SYNPR: variants seen among roughly 807,000 people sequenced by gnomAD.
SYNPR encodes the protein synaptoporin.
In SYNPR, 23 loss-of-function variants were observed where a neutral mutation model predicts 32.9. That is an observed-to-expected ratio of 0.70 (90% CI 0.50 to 0.99). The LOEUF is 0.99. SYNPR is among the 50% of genes least tolerant of loss of function. The pLI, the probability that SYNPR is intolerant of heterozygous loss-of-function variation, is 0.00. For missense variants in SYNPR, 318 were observed against 349.3 expected (o/e 0.91, Z 0.71); for synonymous variants, 146 against 135.9 (o/e 1.07, Z -0.52).
At position 63,258,244 on chromosome 3, in the gene SYNPR, C is replaced by G. The variant is rs572064938; in HGVS notation, n.154+5658C>G. The stretch of plus-strand genomic sequence containing the variant: ...ACCTAATAGACATCTACAGAACTCT[C>G]CACCCCAATTCAACAGAATATACAT... On this transcript the variant is annotated intron_variant and non_coding_transcript_variant, in intron 2 of 4. Transcript: ENST00000478456. Among the ~76,000 whole-genome samples the G allele has an allele frequency of 8.5e-5, 13 of 152,332 alleles. No homozygotes were observed. The East Asian group carries it at 2.5e-3, about 29-fold the overall frequency.
At chr3:63,505,683 A>G (rs1701573709) in intron 3 of SYNPR, among the ~76,000 whole-genome samples, 1 of 152,216 alleles carries the variant, frequency 6.6e-6, no homozygotes, top group South Asian at 2.1e-4. Context: ...CTTACATTGC[A>G]ATGTGTTTAT....
chr3:63,616,168 T>C lies in SYNPR; in HGVS notation c.*687T>C, dbSNP rs1399736530. The C allele has an allele frequency of 6.6e-6, 1 of 152,252 alleles. No individual in the cohort carries two copies. Among genetic ancestry groups the C allele is most frequent in the Non-Finnish European group, 1.5e-5 (1 of 68,038 alleles). 9.4% of individuals were successfully genotyped at this position (152,252 alleles called of 1,614,324 possible). On this transcript the variant is annotated 3_prime_UTR_variant, in exon 6 of 6. Transcript: ENST00000478300. ...TCTCTGGCTTTACCCAAGTTCTGAA[T>C]GCATTGTAATTAAAATTTAAGTTTT...
In SYNPR at chr3:63,445,699, G is replaced by C. The variant is rs1170244061; in HGVS notation, c.85-35133G>C. On this transcript the variant is annotated intron_variant, in intron 2 of 5. Coordinates refer to ENST00000478300, the MANE Select transcript of SYNPR (RefSeq NM_001130003.2). Reference sequence around the variant, plus strand: ...TCTCCATTTTACAGATGAGAAAATGGAGACATAGGACAAGTATGTAACTTA... The same window carrying C: ...TCTCCATTTTACAGATGAGAAAATGCAGACATAGGACAAGTATGTAACTTA... 4.1e-5 allele frequency: 22 copies of C among 534,058 alleles called. No individual in the cohort carries two copies. In the South Asian group the frequency reaches 6.5e-4, roughly 16 times the overall value. The allele number at this position is 534,058 out of a possible 1,614,324, so 33.1% of individuals were successfully genotyped here.
chr3:63,500,869 G>A (rs1701464132), intron 3 of SYNPR, among the ~76,000 whole-genome samples: 1 of 152,126 alleles, frequency 6.6e-6, no homozygotes, highest in African/African-American at 2.4e-5. Flanking sequence ...ATACATTATA[G>A]TACATAGTGT....
chr3:63,322,809 G>A (rs1404902209), intron 2 of SYNPR, among the ~76,000 whole-genome samples: 2 of 152,178 alleles, frequency 1.3e-5, no homozygotes, highest in East Asian at 3.9e-4. Flanking sequence ...AAAGGAATTT[G>A]TAAGTTCTTA....
At chr3:63,405,547 G>A (rs9859585) in intron 2 of SYNPR, among the ~76,000 whole-genome samples, 14,437 of 151,980 alleles carry the variant, frequency 0.095, 1,802 homozygotes, top group African/African-American at 0.29. Flanking sequence ...ATAGCACAGG[G>A]CCCATAGACT....
intron 4 of SYNPR, among the ~76,000 whole-genome samples, chr3:63,584,208 A>G (rs1703142982): frequency 6.6e-6 from 1 of 152,088 alleles, no homozygotes; most frequent in Non-Finnish European, 1.5e-5. Context: ...CCTTCATTAG[A>G]GAGGCATTGA....
In SYNPR at chr3:63,534,050, G is replaced by C. The variant is rs534993275; in HGVS notation, c.210-22493G>C. On this transcript the variant is annotated intron_variant, in intron 3 of 5. Coordinates refer to ENST00000478300, the MANE Select transcript of SYNPR (RefSeq NM_001130003.2). Reference sequence around the variant, plus strand: ...AGGAAATATGTGACCCTAGAAACTTGTATTTAAATAGATCCAACTTGAAGT... The same window carrying C: ...AGGAAATATGTGACCCTAGAAACTTCTATTTAAATAGATCCAACTTGAAGT... Among the ~76,000 whole-genome samples, 2 of 152,238 alleles carry C rather than the reference G, an allele frequency of 1.3e-5. 1 individual carries two copies. Among genetic ancestry groups the C allele is most frequent in the African/African-American group, 4.8e-5 (2 of 41,534 alleles).
intron 2 of SYNPR, among the ~76,000 whole-genome samples, chr3:63,371,622 G>A (rs765945453): frequency 5.3e-5 from 8 of 152,134 alleles, no homozygotes; most frequent in South Asian, 2.1e-4. Flanking sequence ...TAGAAGGTGC[G>A]TGGTGATTTG....
intron 2 of SYNPR, among the ~76,000 whole-genome samples, chr3:63,341,235 C>T (rs185748850): frequency 1.9e-4 from 29 of 152,316 alleles, no homozygotes; most frequent in African/African-American, 6.0e-4. Flanking sequence ...TTTTTTATTA[C>T]TATAAAATAT....
chr3:63,340,281 C>T (rs566666097), intron 2 of SYNPR, among the ~76,000 whole-genome samples: 8 of 152,142 alleles, frequency 5.3e-5, no homozygotes, highest in Admixed American at 4.6e-4. Context: ...TGCACATATA[C>T]AGGTTTTGTG....
At chr3:63,232,572 C>A (rs2086174644) in intron 1 of SYNPR, among the ~76,000 whole-genome samples, 1 of 152,118 alleles carries the variant, frequency 6.6e-6, no homozygotes, top group South Asian at 2.1e-4. Context: ...ATCTTCAGCA[C>A]CTCCAAAATT....
At chr3:63,252,928 A>G (rs2086346164) in intron 2 of SYNPR, among the ~76,000 whole-genome samples, 1 of 151,622 alleles carries the variant, frequency 6.6e-6, no homozygotes, top group African/African-American at 2.4e-5. Context: ...AGTCCCAGCT[A>G]CTTGGGAGGC....
At chr3:63,407,665 A>T (rs1026245406) in intron 2 of SYNPR, among the ~76,000 whole-genome samples, 1 of 152,162 alleles carries the variant, frequency 6.6e-6, no homozygotes, top group Non-Finnish European at 1.5e-5. Context: ...TGCTCAAGGA[A>T]AAAAATATAC....
At chr3:63,347,089 A>G (rs2087447718) in intron 2 of SYNPR, among the ~76,000 whole-genome samples, 1 of 152,228 alleles carries the variant, frequency 6.6e-6, no homozygotes, top group Non-Finnish European at 1.5e-5. Context: ...ATTAACTGAG[A>G]TAATGTAACT....
At chr3:63,335,775 T>G (rs2087284839) in intron 2 of SYNPR, among the ~76,000 whole-genome samples, 1 of 144,398 alleles carries the variant, frequency 6.9e-6, no homozygotes. Context: ...CCTTTTTTTT[T>G]TTTTTTTTTT....
At chr3:63,235,325 A>T (rs1279100556) in intron 1 of SYNPR, among the ~76,000 whole-genome samples, 2 of 152,212 alleles carry the variant, frequency 1.3e-5, no homozygotes, top group Admixed American at 1.3e-4. Context: ...TGAAGTTCAT[A>T]CGGAACAATT....
intron 4 of SYNPR, among the ~76,000 whole-genome samples, chr3:63,558,358 G>A (rs1040549891): frequency 1.3e-5 from 2 of 151,802 alleles, no homozygotes. Flanking sequence ...TTATTTTATT[G>A]AGGCAGAGTC....
At chr3:63,532,865 C>A (rs913862196) in intron 3 of SYNPR, among the ~76,000 whole-genome samples, 1 of 152,172 alleles carries the variant, frequency 6.6e-6, no homozygotes, top group South Asian at 2.1e-4. Flanking sequence ...ATTAAACTAT[C>A]CTCTACAGGT....
Sources: allele counts gnomAD v4.1 joint callset (sites outside exome capture counted in the v4.1 genomes callset), GRCh38; gene constraint gnomAD v4.1.1; transcripts MANE v1.5; gene names NCBI Gene and HGNC (gene_info 2026-07-23, HGNC 2026-07-21).